Variants in ANK3 observed in about 807,000 individuals in gnomAD.
The protein encoded by ANK3 is ankyrin-3.
ANK3 carries 57 observed loss-of-function variants against 370.9 expected under a neutral mutation model. The ratio of observed to expected loss-of-function variants is 0.15; its 90% CI spans 0.12 to 0.19. The LOEUF is 0.19. ANK3 is among the 10% of genes least tolerant of loss of function. The pLI is 1.00. For synonymous variants in ANK3, 1,929 were observed against 1,946.3 expected (o/e 0.99, Z 0.23); for missense variants, 4,439 against 5,302.1 (o/e 0.84, Z 5.06).
chr10:60,062,247 GA>G (rs145405122), intron 40 of ANK3: 10,768 of 152,322 alleles, frequency 0.071, 524 homozygotes, highest in Non-Finnish European at 0.11. Flanking sequence ...CAGCTTAGGC[GA>G]CAGAGCGAGA....
intron 2 of ANK3, among the ~76,000 whole-genome samples, chr10:60,461,506 C>T (rs541729563): frequency 8.5e-5 from 13 of 152,106 alleles, no homozygotes; most frequent in East Asian, 1.9e-4. Flanking sequence ...TGAATAAAGA[C>T]GGCCAGGGTG....
At chr10:60,111,483 A>C (rs2092704922) in intron 26 of ANK3, among the ~76,000 whole-genome samples, 1 of 152,228 alleles carries the variant, frequency 6.6e-6, no homozygotes, top group Non-Finnish European at 1.5e-5. Context: ...TGTGTGAAAA[A>C]GTCATGCAAC....
intron 42 of ANK3, chr10:60,043,490 G>A: frequency 1.0e-6 from 1 of 985,446 alleles, no homozygotes; most frequent in East Asian, 1.1e-4. Flanking sequence ...TTTTCTCTGA[G>A]AGAAAGGGGT....
In ANK3 at chr10:60,240,171, T is replaced by C. The variant is rs1185018754; in HGVS notation, c.799-5385A>G. On this transcript the variant is annotated intron_variant, in intron 7 of 43. Coordinates refer to ENST00000280772, the MANE Select transcript of ANK3 (RefSeq NM_020987.5). The stretch of plus-strand genomic sequence containing the variant: ...ATATATATACATATATACACATATA[T>C]ATACATATATACACATATATATACA... Among the ~76,000 whole-genome samples, 5 of 141,598 alleles carry C rather than the reference T, an allele frequency of 3.5e-5. No individual in the cohort carries two copies. In the East Asian group the frequency reaches 9.9e-4, roughly 28 times the overall value. 92.9% of individuals were successfully genotyped at this position (141,598 alleles called of 152,430 possible).
chr10:60,255,324 T>C (rs935534465), intron 7 of ANK3, among the ~76,000 whole-genome samples: 28 of 151,930 alleles, frequency 1.8e-4, no homozygotes, highest in African/African-American at 6.8e-4. Flanking sequence ...GGAAGGTAAA[T>C]AGAAAAAAGG....
chr10:60,058,146 CCTCT>C (rs1410329115), intron 41 of ANK3, among the ~76,000 whole-genome samples: 1 of 152,140 alleles, frequency 6.6e-6, no homozygotes, highest in Non-Finnish European at 1.5e-5. Context: ...CATGATACAT[CCTCT>C]CTTTTTCTAT....
intron 1 of ANK3, among the ~76,000 whole-genome samples, chr10:60,672,041 T>C (rs1362547147): frequency 6.6e-6 from 1 of 152,250 alleles, no homozygotes; most frequent in Admixed American, 6.5e-5. Flanking sequence ...CTGTGTGATA[T>C]AATAAATACT....
intron 2 of ANK3, among the ~76,000 whole-genome samples, chr10:60,487,496 T>G (rs2075378927): frequency 6.6e-6 from 1 of 152,092 alleles, no homozygotes; most frequent in Non-Finnish European, 1.5e-5. Flanking sequence ...CATTAATAAA[T>G]TAATAAGCAG....
At chr10:60,733,174 GC>G (rs1002192189) in intron 1 of ANK3, 77 of 1,151,014 alleles carry the variant, frequency 6.7e-5, no homozygotes, top group Admixed American at 4.3e-5. Flanking sequence ...GACTCCTGGG[GC>G]CCCCCGGCCC....
chr10:60,653,713 C>CA (rs541331230), intron 1 of ANK3, among the ~76,000 whole-genome samples: 211 of 152,190 alleles, frequency 1.4e-3, no homozygotes, highest in Non-Finnish European at 1.4e-3. Flanking sequence ...ACAAAAAATA[C>CA]AAAAATTAGC....
At chr10:60,211,273 T>C (rs1195858343) in intron 9 of ANK3, among the ~76,000 whole-genome samples, 1 of 108,826 alleles carries the variant, frequency 9.2e-6, no homozygotes, top group East Asian at 5.3e-4. Context: ...CTGGAGAAGG[T>C]GAACTAGAGA....
At chr10:60,513,345 C>A (rs2076136572) in intron 2 of ANK3, among the ~76,000 whole-genome samples, 1 of 152,096 alleles carries the variant, frequency 6.6e-6, no homozygotes, top group African/African-American at 2.4e-5. Context: ...AAAAATCCAA[C>A]TACCAGTCAA....
At chr10:60,247,299 G>A (rs1025762331) in intron 7 of ANK3, among the ~76,000 whole-genome samples, 2 of 152,118 alleles carry the variant, frequency 1.3e-5, no homozygotes, top group African/African-American at 2.4e-5. Context: ...TTACAGGTGT[G>A]AGCCACTGGA....
intron 1 of ANK3, among the ~76,000 whole-genome samples, chr10:60,729,687 C>T (rs1041829140): frequency 2.6e-5 from 4 of 152,094 alleles, no homozygotes; most frequent in Non-Finnish European, 5.9e-5. Context: ...ATCATTTAGC[C>T]TCAGGTTATT....
intron 2 of ANK3, among the ~76,000 whole-genome samples, chr10:60,591,923 C>G (rs1044145704): frequency 6.6e-6 from 1 of 152,006 alleles, no homozygotes; most frequent in African/African-American, 2.4e-5. Flanking sequence ...TTACCACAGA[C>G]TTGGAAGGAT....
intron 5 of ANK3, among the ~76,000 whole-genome samples, chr10:60,266,824 G>C (rs1383592971): frequency 6.6e-6 from 1 of 152,170 alleles, no homozygotes; most frequent in Non-Finnish European, 1.5e-5. Flanking sequence ...AAATGTGATA[G>C]AGGCTACTGG....
intron 1 of ANK3, among the ~76,000 whole-genome samples, chr10:60,726,679 C>T (rs1169490637): frequency 6.6e-6 from 1 of 151,936 alleles, no homozygotes; most frequent in Non-Finnish European, 1.5e-5. Flanking sequence ...TGGGTACTTC[C>T]TATTTGAGAG....
chr10:60,134,332 C>T lies in ANK3; in HGVS notation c.2780G>A (p.Arg927Lys). The T allele has an allele frequency of 2.5e-6, 4 of 1,613,930 alleles. No individual in the cohort carries two copies. The highest frequency in any genetic ancestry group is 3.4e-6 in the Non-Finnish European group (4 of 1,179,908). The change falls in exon 25 of 44, where the codon AGA (arginine) becomes AAA (lysine). Residue 927 changes from arginine (R) to lysine (K), a missense_variant. Physicochemically the swap from Arg to Lys is conservative, Grantham distance 26. Transcript: ENST00000280772. ...FSSDRSYTLN[R>K]SSYARDSMMI... is the part of the protein sequence containing the mutation. ...CATGCTGTCCCGTGCATAGGAGCTT[C>T]TGTTCAAGGTGTAAGACCTATCCGA...
At chr10:60,321,204 C>T (rs897844087) in intron 1 of ANK3, among the ~76,000 whole-genome samples, 2 of 151,938 alleles carry the variant, frequency 1.3e-5, no homozygotes, top group Non-Finnish European at 2.9e-5. Context: ...AGCCTGGCAG[C>T]ATGAGACCCT....
Sources: allele counts gnomAD v4.1 joint callset (sites outside exome capture counted in the v4.1 genomes callset), GRCh38; gene constraint gnomAD v4.1.1; transcripts MANE v1.5; gene names NCBI Gene and HGNC (gene_info 2026-07-23, HGNC 2026-07-21).